RP1L1: variants seen among roughly 807,000 people sequenced by gnomAD.
RP1L1 encodes retinitis pigmentosa 1-like 1 protein.
In RP1L1, 27 loss-of-function variants were observed where a neutral mutation model predicts 15.7. The ratio of observed to expected loss-of-function variants is 1.72; its 90% CI spans 1.27 to 2.38. The LOEUF is 2.38. Among genes scored for constraint, RP1L1 ranks in the 30% most tolerant of loss-of-function variants. The pLI, the probability that RP1L1 is intolerant of heterozygous loss-of-function variation, is 0.00. For missense variants in RP1L1, 4,798 were observed against 3,075.9 expected (o/e 1.56, Z -13.24); for synonymous variants, 1,813 against 1,276.7 (o/e 1.42, Z -8.96).
chr8:10,646,659 G>T (rs925187777), intron 1 of RP1L1, among the ~76,000 whole-genome samples: 1 of 152,078 alleles, frequency 6.6e-6, no homozygotes, highest in African/African-American at 2.4e-5. Flanking sequence ...TAAAGTCCAG[G>T]GCCTAGGAAG....
chr8:10,609,349 C>T lies in RP1L1; in HGVS notation c.4749G>A (p.Ala1583=), dbSNP rs763502892. ...TTGGAGGCTCCAGCACCATCCTACC[C>T]GCCCGGCCCTGGAGCTTCTGGAGCT... ...KRELQKLQGR[A]GRMVLEPPRE... The change falls in exon 4 of 4, where the codon GCG becomes GCA. Residue 1583 remains alanine, a synonymous_variant. Transcript: ENST00000382483. 29 of 1,612,194 alleles carry T rather than the reference C, an allele frequency of 1.8e-5. No homozygotes were observed. Among genetic ancestry groups the T allele is most frequent in the South Asian group, 1.4e-4 (13 of 91,040 alleles).
At chr8:10,617,546 C>CTTT (rs777209714) in intron 2 of RP1L1, among the ~76,000 whole-genome samples, 25 of 63,404 alleles carry the variant, frequency 3.9e-4, no homozygotes, top group African/African-American at 1.2e-3. Flanking sequence ...GTTTCTTTTT[C>CTTT]TTTTTTTTTT....
At chr8:10,651,678 A>G (rs984523808) in intron 1 of RP1L1, among the ~76,000 whole-genome samples, 2 of 150,968 alleles carry the variant, frequency 1.3e-5, no homozygotes, top group Admixed American at 1.3e-4. Context: ...AATCCCTTGA[A>G]CTCAGGAGGC....
intron 1 of RP1L1, among the ~76,000 whole-genome samples, chr8:10,638,709 T>G (rs1798365123): frequency 6.6e-6 from 1 of 152,218 alleles, no homozygotes; most frequent in African/African-American, 2.4e-5. Flanking sequence ...AGAGTTAACG[T>G]AGCTGGGACT....
At chr8:10,621,834 G>T (rs1317625470) in intron 2 of RP1L1, 1 of 461,780 alleles carries the variant, frequency 2.2e-6, no homozygotes, top group Non-Finnish European at 4.4e-6. Flanking sequence ...GTGGCTTCCA[G>T]CAGAGGTAGT....
In RP1L1 at chr8:10,622,875, G is replaced by A. The variant is rs566311667; in HGVS notation, c.327C>T (p.Pro109=). Residue 109 remains proline (P), a synonymous_variant, in exon 2 of 4, where the codon CCC becomes CCT. Transcript: ENST00000382483. ...GGCCTGGTCCACTGGGGGTCTTGGGGGGCTTCTTATCAGAGCAGAGGTAGC... is the reference window on the plus strand; with the variant it reads ...GGCCTGGTCCACTGGGGGTCTTGGGAGGCTTCTTATCAGAGCAGAGGTAGC... ...GGCYLCSDKK[P]PKTPSGPGRP... The A allele has an allele frequency of 6.3e-5, 101 of 1,613,380 alleles. 1 individual carries two copies. Among genetic ancestry groups the A allele is most frequent in the South Asian group, 4.8e-4 (44 of 91,058 alleles).
At chr8:10,625,105 A>G (rs1182646052) in intron 1 of RP1L1, among the ~76,000 whole-genome samples, 1 of 152,142 alleles carries the variant, frequency 6.6e-6, no homozygotes, top group African/African-American at 2.4e-5. Context: ...GATACGCAAA[A>G]TCGCGTATCA....
At chr8:10,631,111 C>A (rs754939968) in intron 1 of RP1L1, among the ~76,000 whole-genome samples, 10 of 152,180 alleles carry the variant, frequency 6.6e-5, no homozygotes, top group Admixed American at 1.3e-4. Context: ...CAGGGCCTAA[C>A]GTTGTGAAAG....
Position 10,608,620 on chromosome 8 carries a change from T to G in RP1L1, c.5478A>C (p.Pro1826=). Residue 1826 remains proline (P), a synonymous_variant, in exon 4 of 4, where the codon CCA becomes CCC. Coordinates refer to ENST00000382483, the MANE Select transcript of RP1L1 (RefSeq NM_178857.6). ...TGCCTTCGGCCCCATCACTCTGTCCTGGATCTTGGTCACCTCCTGCCGCAG... is the reference window on the plus strand; with the variant it reads ...TGCCTTCGGCCCCATCACTCTGTCCGGGATCTTGGTCACCTCCTGCCGCAG... ...GEAAAGGDQD[P]GQSDGAEGIE... 6.2e-7 allele frequency: 1 copy of G among 1,614,200 alleles called. No homozygotes were observed.
intron 1 of RP1L1, among the ~76,000 whole-genome samples, chr8:10,628,708 G>A (rs977453133): frequency 6.6e-6 from 1 of 152,204 alleles, no homozygotes; most frequent in African/African-American, 2.4e-5. Flanking sequence ...CCCAATGATA[G>A]TTCCCGTTCT....
At chr8:10,639,053 G>C (rs1793426377) in intron 1 of RP1L1, among the ~76,000 whole-genome samples, 1 of 152,040 alleles carries the variant, frequency 6.6e-6, no homozygotes, top group Non-Finnish European at 1.5e-5. Flanking sequence ...GCTGAGGCAG[G>C]GGAATCACTT....
intron 1 of RP1L1, among the ~76,000 whole-genome samples, chr8:10,644,737 GC>G (rs1178741417): frequency 6.6e-6 from 1 of 152,154 alleles, no homozygotes; most frequent in African/African-American, 2.4e-5. Context: ...TCTCACACCA[GC>G]CACCCCAGGA....
chr8:10,610,070 TC>T lies in RP1L1; in HGVS notation c.4027del (p.Glu1343LysfsTer14). On this transcript the variant is annotated frameshift_variant, in exon 4 of 4. Coordinates refer to ENST00000382483, the MANE Select transcript of RP1L1 (RefSeq NM_178857.6). LOFTEE classifies it low-confidence loss of function (END_TRUNC). ...TTCTTGCTGTCCTTCTCCTTCTGTT[TC>T]TTTAGTTTCCTCTAACTGCACCCCC... ...EEGVQLEETK[E>X]TEGEGQQEEE... The T allele has an allele frequency of 4.5e-6, 4 of 884,562 alleles. No homozygotes were observed. The highest frequency in any genetic ancestry group is 8.6e-5 in the East Asian group (2 of 23,290). 54.8% of individuals were successfully genotyped at this position (884,562 alleles called of 1,614,324 possible).
chr8:10,611,506 C>G lies in RP1L1; in HGVS notation c.2592G>C (p.Gln864His). ...PTPPRGRPCP[Q>H]RRSSSCGSTG... ...TGCTCCCACAGCTGGAAGAGCGCCTCTGGGGGCAGGGCCGCCCCCTGGGCG... is the reference window on the plus strand; with the variant it reads ...TGCTCCCACAGCTGGAAGAGCGCCTGTGGGGGCAGGGCCGCCCCCTGGGCG... The change falls in exon 4 of 4, where the codon CAG becomes CAC. Residue 864 changes from glutamine (Q) to histidine (H), a missense_variant. Gln to His is a conservative substitution (Grantham distance 24). Transcript: ENST00000382483. 1.3e-6 allele frequency: 2 copies of G among 1,577,318 alleles called. No individual in the cohort carries two copies. The highest frequency in any genetic ancestry group is 2.7e-5 in the African/African-American group (2 of 74,562).
chr8:10,609,261 G>A lies in RP1L1; in HGVS notation c.4837C>T (p.Leu1613=). The change falls in exon 4 of 4, where the codon CTG becomes TTG. Residue 1613 remains leucine, a synonymous_variant. Coordinates refer to ENST00000382483, the MANE Select transcript of RP1L1 (RefSeq NM_178857.6). ...TQQRRHRLRG[L]RNLSAFSERT... is the part of the protein sequence containing the mutation. ...TCAGAGAAGGCCGAGAGGTTTCGCA[G>A]GCCCCGGAGACGGTGTCTGCGCTGC... The A allele has an allele frequency of 6.2e-7, 1 of 1,609,192 alleles. No homozygotes were observed. Among genetic ancestry groups the A allele is most frequent in the Non-Finnish European group, 8.5e-7 (1 of 1,179,712 alleles).
In RP1L1 at chr8:10,612,850, C is replaced by G. The variant is rs1168830841; in HGVS notation, c.1248G>C (p.Gln416His). ...EIWTNPLHASQGERVAARKRW... is the reference protein window; with the variant it reads ...EIWTNPLHASHGERVAARKRW... ...TCTTCCGAGCTGCCACTCTCTCTCC[C>G]TGGGAGGCATGCAGGGGATTCGTCC... Residue 416 changes from glutamine to histidine, a missense_variant, in exon 4 of 4, where the codon CAG (glutamine) becomes CAC (histidine). Gln to His is a conservative substitution (Grantham distance 24, BLOSUM62 0). Coordinates refer to ENST00000382483, the MANE Select transcript of RP1L1 (RefSeq NM_178857.6). 1 of 1,612,800 alleles carries G rather than the reference C, an allele frequency of 6.2e-7. No individual in the cohort carries two copies. The highest frequency in any genetic ancestry group is 8.5e-7 in the Non-Finnish European group (1 of 1,179,952).
chr8:10,607,515 C>T lies in RP1L1; in HGVS notation c.6583G>A (p.Gly2195Ser), dbSNP rs1177615705. ...CCTTCTGCCTCTGGGGCCTCTATACCTTCTGACTCTGGCTGGGCCTCCCCT... is the reference window on the plus strand; with the variant it reads ...CCTTCTGCCTCTGGGGCCTCTATACTTTCTGACTCTGGCTGGGCCTCCCCT... ...AEGEAQPESEGIEAPEAEGEA... is the reference protein window; with the variant it reads ...AEGEAQPESESIEAPEAEGEA... The change falls in exon 4 of 4, where the codon GGT (glycine) becomes AGT (serine). Residue 2195 changes from glycine (G) to serine (S), a missense_variant. Physicochemically the swap from Gly to Ser is moderately conservative, Grantham distance 56. Transcript: ENST00000382483. The T allele has an allele frequency of 6.2e-7, 1 of 1,607,794 alleles. No homozygotes were observed. Among genetic ancestry groups the T allele is most frequent in the East Asian group, 2.2e-5 (1 of 44,748 alleles).
intron 1 of RP1L1, among the ~76,000 whole-genome samples, chr8:10,627,155 A>G (rs80292915): frequency 0.016 from 2,404 of 152,258 alleles, 60 homozygotes; most frequent in African/African-American, 0.055. Context: ...AAGAACTGAA[A>G]GCAGGGCTCA....
rs762917359 is a variant in RP1L1, at chr8:10,612,497, T to G, written c.1601A>C (p.Asp534Ala). The stretch of plus-strand genomic sequence containing the variant: ...ATGAGAGCCGGTGCTGGCTGACGAG[T>G]CCGAAGAAGCCCCCTCCTCACTCCG... ...RARSEEGASS[D>A]SSASTGSHEG... The change falls in exon 4 of 4, where the codon GAC becomes GCC. Residue 534 changes from aspartate (D) to alanine (A), a missense_variant. Transcript: ENST00000382483. 2 of 1,611,666 alleles carry G rather than the reference T, an allele frequency of 1.2e-6. No homozygotes were observed. Among genetic ancestry groups the G allele is most frequent in the Non-Finnish European group, 1.7e-6 (2 of 1,179,774 alleles).
Sources: gnomAD v4.1 joint callset for allele counts (sites outside exome capture counted in the v4.1 genomes callset) on GRCh38, gnomAD v4.1.1 for gene constraint, MANE v1.5 for transcripts, NCBI Gene and HGNC (gene_info 2026-07-23, HGNC 2026-07-21) for gene names.